The following ZNF148 variants were observed in gnomAD, a reference collection of about 807,000 sequenced individuals.
The protein encoded by ZNF148 is Beta-Enolase Repressor Factor-1.
ZNF148 carries 7 observed loss-of-function variants against 67.7 expected under a neutral mutation model. That is an observed-to-expected ratio of 0.10 (90% CI 0.06 to 0.19). The LOEUF (loss-of-function observed/expected upper bound fraction) is 0.19, where lower values mean the gene tolerates loss of function less well. Among genes scored for constraint, ZNF148 ranks in the 10% least tolerant of loss-of-function variants. The pLI is 1.00. For synonymous variants in ZNF148, 333 were observed against 330.7 expected (o/e 1.01, Z -0.08); for missense variants, 583 against 947.1 (o/e 0.62, Z 5.05).
At chr3:125,271,350 G>A (rs886132941) in intron 7 of ZNF148, among the ~76,000 whole-genome samples, 3 of 152,070 alleles carry the variant, frequency 2.0e-5, no homozygotes, top group African/African-American at 4.8e-5. Context: ...TGTGAAATCC[G>A]GTCTTACCCC....
intron 1 of ZNF148, among the ~76,000 whole-genome samples, chr3:125,363,118 T>A (rs1181847961): frequency 6.6e-6 from 1 of 152,168 alleles, no homozygotes; most frequent in African/African-American, 2.4e-5. Flanking sequence ...AAATAATCTT[T>A]AAACCATCAC....
At chr3:125,247,584 C>T (rs978522674) in intron 7 of ZNF148, among the ~76,000 whole-genome samples, 4 of 151,990 alleles carry the variant, frequency 2.6e-5, no homozygotes, top group East Asian at 1.9e-4. Flanking sequence ...ATTACAGGGA[C>T]GTACCACCAG....
intron 1 of ZNF148, among the ~76,000 whole-genome samples, chr3:125,336,865 T>A (rs183300522): frequency 2.6e-5 from 4 of 151,664 alleles, no homozygotes; most frequent in Non-Finnish European, 5.9e-5. Context: ...TTAGTAGAGA[T>A]GGGGTTTCAC....
intron 2 of ZNF148, among the ~76,000 whole-genome samples, chr3:125,326,893 G>T (rs947698025): frequency 6.7e-6 from 1 of 149,280 alleles, no homozygotes; most frequent in Non-Finnish European, 1.5e-5. Context: ...GTGTGTAGCA[G>T]ATACCAAAAT....
chr3:125,267,258 G>A (rs1185954579), intron 7 of ZNF148, among the ~76,000 whole-genome samples: 1 of 150,212 alleles, frequency 6.7e-6, no homozygotes, highest in Non-Finnish European at 1.5e-5. Context: ...AGACACAACG[G>A]GGAAAAAAAA....
At chr3:125,271,556 C>A (rs1455412514) in intron 7 of ZNF148, among the ~76,000 whole-genome samples, 1 of 152,228 alleles carries the variant, frequency 6.6e-6, no homozygotes, top group Non-Finnish European at 1.5e-5. Flanking sequence ...AGGGCACAAA[C>A]TTCGAAGAGC....
At chr3:125,303,084 G>A (rs116694195) in intron 4 of ZNF148, among the ~76,000 whole-genome samples, 54 of 152,234 alleles carry the variant, frequency 3.5e-4, no homozygotes, top group African/African-American at 1.2e-3. Flanking sequence ...AGAGCATTAC[G>A]TTGAGTGAAA....
In ZNF148 at chr3:125,233,508, C is replaced by A. The variant is rs1935947615; in HGVS notation, c.1218G>T (p.Glu406Asp). ...NSKRSLKQPL[E>D]QNQTISPLST... ...ATAAAGGTGAAATTGTTTGATTTTGCTCCAGTGGCTGTTTCAGACTTCTCT... is the reference window on the plus strand; with the variant it reads ...ATAAAGGTGAAATTGTTTGATTTTGATCCAGTGGCTGTTTCAGACTTCTCT... The change falls in exon 9 of 9, where the codon GAG becomes GAT. Residue 406 changes from glutamate to aspartate, a missense_variant. Physicochemically the swap from Glu to Asp is conservative, Grantham distance 45. Coordinates refer to ENST00000360647, the MANE Select transcript of ZNF148 (RefSeq NM_021964.3). The surrounding 1 kb of genome is among the most constrained non-coding windows in gnomAD (Gnocchi z 5.1). 2 of 1,613,882 alleles carry A rather than the reference C, an allele frequency of 1.2e-6. No individual in the cohort carries two copies. The highest frequency in any genetic ancestry group is 1.7e-6 in the Non-Finnish European group (2 of 1,179,926).
At chr3:125,287,771 T>C (rs551199181) in intron 5 of ZNF148, among the ~76,000 whole-genome samples, 2 of 152,304 alleles carry the variant, frequency 1.3e-5, no homozygotes, top group African/African-American at 2.4e-5. Flanking sequence ...TCCTATATCT[T>C]TTCCTGATGA....
At position 125,324,140 on chromosome 3, in the gene ZNF148, C is replaced by G. The variant is rs537003630; in HGVS notation, c.-152-696G>C. 3.9e-5 allele frequency among the ~76,000 whole-genome samples: 6 copies of G among 151,966 alleles called. No homozygotes were observed. In the South Asian group the frequency reaches 1.0e-3, roughly 26 times the overall value. ...GGCACATGTATACATATGTAACTAA[C>G]CTGCACATTGTGCACATGTACCCTA... On this transcript the variant is annotated intron_variant, in intron 2 of 8. Transcript: ENST00000360647.
chr3:125,236,887 T>C (rs1163162559), intron 7 of ZNF148, among the ~76,000 whole-genome samples: 1 of 152,134 alleles, frequency 6.6e-6, no homozygotes, highest in East Asian at 1.9e-4. Flanking sequence ...CTACAATGAA[T>C]CCAGACCAAT....
intron 7 of ZNF148, among the ~76,000 whole-genome samples, chr3:125,239,363 G>A (rs1936241778): frequency 6.6e-6 from 1 of 152,146 alleles, no homozygotes. Context: ...AATAGGCAAT[G>A]GATCTGAATG....
At chr3:125,238,125 A>C (rs1046212462) in intron 7 of ZNF148, among the ~76,000 whole-genome samples, 1 of 152,150 alleles carries the variant, frequency 6.6e-6, no homozygotes. Context: ...CATCATAAAC[A>C]AAAGTTAACT....
chr3:125,317,662 T>TATATATATAGAAAG (rs752542874), intron 3 of ZNF148, among the ~76,000 whole-genome samples: 2 of 90,024 alleles, frequency 2.2e-5, no homozygotes, highest in Non-Finnish European at 2.2e-5. Context: ...TATATATATA[T>TATATATATAGAAAG]AGAGAGAGAG....
intron 7 of ZNF148, among the ~76,000 whole-genome samples, chr3:125,240,765 CAAA>C (rs200238945): frequency 1.2e-5 from 1 of 84,094 alleles, no homozygotes. Flanking sequence ...ATCCTGTCTG[CAAA>C]AAAAAAAAAA....
intron 1 of ZNF148, among the ~76,000 whole-genome samples, chr3:125,352,353 T>C (rs540162426): frequency 4.6e-5 from 7 of 152,302 alleles, no homozygotes; most frequent in African/African-American, 1.7e-4. Context: ...TCCTAGAGAC[T>C]GAAAGTAGAC....
intron 4 of ZNF148, among the ~76,000 whole-genome samples, chr3:125,304,233 T>C (rs1026726551): frequency 1.3e-5 from 2 of 151,990 alleles, no homozygotes; most frequent in Non-Finnish European, 2.9e-5. Context: ...GGTGAGGTGG[T>C]TCTCCATATA....
chr3:125,284,913 C>A (rs202115911), intron 5 of ZNF148, among the ~76,000 whole-genome samples: 2,404 of 130,236 alleles, frequency 0.018, no homozygotes, highest in African/African-American at 0.02. Context: ...TTAAGTTTTC[C>A]AAAAAAAAAA....
At position 125,249,759 on chromosome 3, in the gene ZNF148, A is replaced by G. The variant is rs145569337; in HGVS notation, c.668-15430T>C. ...TAGCATTATTCACAATAGCCAAGAT[A>G]TAGAAACAACCCAAGCGTCTGTCAA... is the stretch of plus-strand genomic sequence containing the variant. On this transcript the variant is annotated intron_variant, in intron 7 of 8. Coordinates refer to ENST00000360647, the MANE Select transcript of ZNF148 (RefSeq NM_021964.3). 1.8e-3 allele frequency among the ~76,000 whole-genome samples: 271 copies of G among 152,324 alleles called. 1 individual carries two copies. The highest frequency in any genetic ancestry group is 9.1e-3 in the East Asian group (47 of 5,192).
Sources: gnomAD v4.1 joint callset for allele counts (sites outside exome capture counted in the v4.1 genomes callset) on GRCh38, gnomAD v4.1.1 for gene constraint, Gnocchi (gnomAD v3.1) non-coding constraint, MANE v1.5 for transcripts, NCBI Gene and HGNC (gene_info 2026-07-23, HGNC 2026-07-21) for gene names.